RNF24: variants seen among roughly 807,000 people sequenced by gnomAD.
RNF24 encodes the protein ring finger protein 24.
A neutral mutation model predicts 20.0 loss-of-function variants in RNF24; 14 were observed. That is an observed-to-expected ratio of 0.70 (90% confidence interval 0.46 to 1.10). The LOEUF (loss-of-function observed/expected upper bound fraction) is 1.10, where lower values mean the gene tolerates loss of function less well. Among genes scored for constraint, RNF24 ranks in the 50% least tolerant of loss-of-function variants. RNF24 has a pLI of 0.00. For synonymous variants in RNF24, 45 were observed against 61.1 expected (o/e 0.74, Z 1.23); for missense variants, 124 against 177.6 (o/e 0.70, Z 1.71).
At chr20:3,986,671 A>G (rs1979943909) in intron 1 of RNF24, among the ~76,000 whole-genome samples, 2 of 148,966 alleles carry the variant, frequency 1.3e-5, no homozygotes, top group Admixed American at 6.7e-5. Flanking sequence ...TTTTTGAGAC[A>G]GAGTCTCACT....
chr20:3,945,290 A>C, intron 3 of RNF24, 72 bp from the exon 4 acceptor site: 2 of 1,418,836 alleles, frequency 1.4e-6, no homozygotes, highest in Non-Finnish European at 1.9e-6. Flanking sequence ...TTATATTCTC[A>C]AATATTTTTC....
chr20:3,971,413 C>A (rs993667827), intron 1 of RNF24, among the ~76,000 whole-genome samples: 1 of 152,076 alleles, frequency 6.6e-6, no homozygotes, highest in African/African-American at 2.4e-5. Flanking sequence ...AGAAAAGGAA[C>A]CTTGGAACAT....
At chr20:3,995,884 C>T (rs1568660856) in intron 1 of RNF24, among the ~76,000 whole-genome samples, 1 of 151,920 alleles carries the variant, frequency 6.6e-6, no homozygotes. Context: ...GAATAATCCT[C>T]TAAATGAGTC....
intron 1 of RNF24, chr20:3,974,521 A>G (rs887934706): frequency 1.8e-5 from 18 of 1,021,246 alleles, no homozygotes; most frequent in South Asian, 5.9e-5. Context: ...AGAATCTTCA[A>G]AAAAATTTCT....
At chr20:4,005,048 TAA>T (rs1981738823) in intron 1 of RNF24, among the ~76,000 whole-genome samples, 1 of 152,188 alleles carries the variant, frequency 6.6e-6, no homozygotes, top group South Asian at 2.1e-4. Flanking sequence ...ATCTGAATAG[TAA>T]AGAGACTGTA....
intron 3 of RNF24, among the ~76,000 whole-genome samples, chr20:3,945,436 C>T (rs764360212): frequency 1.1e-4 from 17 of 151,982 alleles, no homozygotes; most frequent in Non-Finnish European, 1.9e-4. Flanking sequence ...GAATTTTGGC[C>T]GAGCATAGTG....
intron 1 of RNF24, among the ~76,000 whole-genome samples, chr20:3,986,621 T>A (rs1264130582): frequency 6.6e-6 from 1 of 151,890 alleles, no homozygotes; most frequent in Non-Finnish European, 1.5e-5. Flanking sequence ...GACATCTATA[T>A]CCCAGGCATG....
chr20:3,943,744 C>T (rs1047017924), intron 4 of RNF24, among the ~76,000 whole-genome samples: 6 of 152,104 alleles, frequency 3.9e-5, no homozygotes, highest in Non-Finnish European at 8.8e-5. Context: ...GACAAAGTTT[C>T]TAAACTAACA....
rs145053469 is a variant in RNF24, at chr20:3,953,082, T to C, written c.144-4803A>G. On this transcript the variant is annotated intron_variant, in intron 2 of 5. Transcript: ENST00000358395. ...GTGTCATATTGGAGTGGTATTTTTT[T>C]CCTTAAATGTTTGGATGAGTTACTT... 4.6e-3 allele frequency among the ~76,000 whole-genome samples: 695 copies of C among 152,352 alleles called. 13 individuals are homozygous for C. The highest frequency in any genetic ancestry group is 0.03 in the Admixed American group (456 of 15,302).
At chr20:4,008,998 T>G (rs1423631208) in intron 1 of RNF24, among the ~76,000 whole-genome samples, 1 of 152,138 alleles carries the variant, frequency 6.6e-6, no homozygotes, top group Non-Finnish European at 1.5e-5. Context: ...TGTTAGAAAT[T>G]TTTAAAAATC....
intron 1 of RNF24, among the ~76,000 whole-genome samples, chr20:3,988,834 T>G (rs1189207215): frequency 1.3e-5 from 2 of 152,168 alleles, no homozygotes; most frequent in African/African-American, 2.4e-5. Context: ...TTTTAATCCT[T>G]CAAGAAAACC....
chr20:3,954,734 C>G (rs2091121962), intron 2 of RNF24, among the ~76,000 whole-genome samples: 1 of 151,932 alleles, frequency 6.6e-6, no homozygotes, highest in South Asian at 2.1e-4. Context: ...TCCGTCTCTA[C>G]TAAAAATACA....
In RNF24 at chr20:3,934,942, T is replaced by C. The variant is rs755820719; in HGVS notation, c.308+52A>G. On this transcript the variant is annotated intron_variant, in intron 5 of 5. Coordinates refer to ENST00000358395, the MANE Select transcript of RNF24 (RefSeq NM_001134337.3). This position sits in a 1 kb window ranked among gnomAD's most constrained non-coding sequence, Gnocchi z 4.0. ...TGCCCTAAAACCCAAAAGAAGTTGGTTGATGTGCCTCAAACTCGGGTCCCA... is the reference window on the plus strand; with the variant it reads ...TGCCCTAAAACCCAAAAGAAGTTGGCTGATGTGCCTCAAACTCGGGTCCCA... 14 of 1,494,270 alleles carry C rather than the reference T, an allele frequency of 9.4e-6. No individual in the cohort carries two copies. In the African/African-American group the frequency reaches 9.6e-5, roughly 10 times the overall value. The allele number at this position is 1,494,270 out of a possible 1,614,324, so 92.6% of individuals were successfully genotyped here. A position where few individuals can be genotyped will look rare whatever the true frequency, so the allele number is the denominator to read the frequency against.
intron 1 of RNF24, among the ~76,000 whole-genome samples, chr20:3,966,506 G>GTGTGTT (rs1436344454): frequency 6.7e-6 from 1 of 149,904 alleles, no homozygotes; most frequent in Non-Finnish European, 1.5e-5. Flanking sequence ...GTGTGTGTGT[G>GTGTGTT]TTTGGGGAAA....
chr20:3,978,072 A>T (rs886772763), intron 1 of RNF24, among the ~76,000 whole-genome samples: 2 of 144,484 alleles, frequency 1.4e-5, no homozygotes, highest in African/African-American at 2.5e-5. Context: ...AAGAAAACTA[A>T]TTTTTTTTTT....
At chr20:3,949,141 A>G (rs1326072803) in intron 2 of RNF24, among the ~76,000 whole-genome samples, 1 of 152,226 alleles carries the variant, frequency 6.6e-6, no homozygotes, top group Non-Finnish European at 1.5e-5. Context: ...GCACTTTGGG[A>G]GGCCGCGGCA....
At chr20:3,972,727 C>T (rs1356469068) in intron 1 of RNF24, among the ~76,000 whole-genome samples, 1 of 151,652 alleles carries the variant, frequency 6.6e-6, no homozygotes, top group Non-Finnish European at 1.5e-5. Flanking sequence ...ATGGTGAAAC[C>T]CCATCTCTAC....
intron 2 of RNF24, among the ~76,000 whole-genome samples, chr20:3,959,037 T>A (rs1250386996): frequency 6.6e-6 from 1 of 152,162 alleles, no homozygotes; most frequent in African/African-American, 2.4e-5. Flanking sequence ...CCTGGGCCCA[T>A]TTTATTTTAC....
At position 3,931,668 on chromosome 20, in the gene RNF24, TC is replaced by T. The variant is rs2146930399; in HGVS notation, c.*2394del. 1 of 152,344 alleles carries T rather than the reference TC, an allele frequency of 6.6e-6. No individual in the cohort carries two copies. The highest frequency in any genetic ancestry group is 2.4e-5 in the African/African-American group (1 of 41,568). The allele number at this position is 152,344 out of a possible 1,614,324, so 9.4% of individuals were successfully genotyped here. ...GGAGCAGAAAAAGTACTCTCACTGTTCCAGCTTCCAGCCCAATCCTAGCAGA... is the reference window on the plus strand; with the variant it reads ...GGAGCAGAAAAAGTACTCTCACTGTTCAGCTTCCAGCCCAATCCTAGCAGA... On this transcript the variant is annotated 3_prime_UTR_variant, in exon 6 of 6. Coordinates refer to ENST00000358395, the MANE Select transcript of RNF24 (RefSeq NM_001134337.3).
Sources: allele counts gnomAD v4.1 joint callset (sites outside exome capture counted in the v4.1 genomes callset), GRCh38; gene constraint gnomAD v4.1.1; non-coding constraint Gnocchi (gnomAD v3.1); transcripts MANE v1.5; gene names NCBI Gene and HGNC (gene_info 2026-07-23, HGNC 2026-07-21).